The following ALMS1 variants were observed in gnomAD, a reference collection of about 807,000 sequenced individuals.
ALMS1 encodes ALMS1 centrosome and basal body associated protein, also known as centrosome-associated protein ALMS1.
A neutral mutation model predicts 352.2 loss-of-function variants in ALMS1; 271 were observed. That is an observed-to-expected ratio of 0.77 (90% CI 0.70 to 0.85). The LOEUF is 0.85. Ranked by LOEUF, ALMS1 falls within the 40% of genes least tolerant of loss-of-function variation. The pLI, the probability that ALMS1 is intolerant of heterozygous loss-of-function variation, is 0.00. For synonymous variants in ALMS1, 1,865 were observed against 1,761.2 expected (o/e 1.06, Z -1.48); for missense variants, 5,445 against 4,870.7 (o/e 1.12, Z -3.51).
intron 6 of ALMS1, among the ~76,000 whole-genome samples, chr2:73,429,325 A>T (rs925863361): frequency 1.5e-5 from 2 of 135,298 alleles, no homozygotes; most frequent in East Asian, 4.2e-4. Flanking sequence ...CTTGTCATCC[A>T]GGCTGGAGTG....
At chr2:73,392,273 T>C (rs1670666665) in intron 1 of ALMS1, among the ~76,000 whole-genome samples, 1 of 147,440 alleles carries the variant, frequency 6.8e-6, no homozygotes, top group Admixed American at 7.8e-5. Context: ...TGTGTGTGTG[T>C]GTGTGTGTGT....
chr2:73,386,266 G>A, intron 1 of ALMS1, 74 bp downstream of exon 1: 1 of 1,412,264 alleles, frequency 7.1e-7, no homozygotes, highest in Non-Finnish European at 9.2e-7. Flanking sequence ...CGCTCCGCCC[G>A]CCCGCAGGTC....
At chr2:73,556,644 T>G (rs563616780) in intron 13 of ALMS1, among the ~76,000 whole-genome samples, 4,953 of 87,294 alleles carry the variant, frequency 0.057, 216 homozygotes, top group African/African-American at 0.16. Flanking sequence ...TTTTTTTTTT[T>G]GTTTTTTTTT....
intron 9 of ALMS1, among the ~76,000 whole-genome samples, chr2:73,486,909 G>A (rs1176835688): frequency 6.6e-6 from 1 of 152,064 alleles, no homozygotes; most frequent in Non-Finnish European, 1.5e-5. Context: ...AAGAAAATTA[G>A]CCCGGTGTAG....
At chr2:73,597,264 A>G (rs1266305498) in intron 16 of ALMS1, among the ~76,000 whole-genome samples, 1 of 152,026 alleles carries the variant, frequency 6.6e-6, no homozygotes, top group Non-Finnish European at 1.5e-5. Flanking sequence ...TGATTTTTTT[A>G]TCTTATTGAT....
At chr2:73,388,371 C>G (rs1281859080) in intron 1 of ALMS1, among the ~76,000 whole-genome samples, 1 of 151,992 alleles carries the variant, frequency 6.6e-6, no homozygotes, top group Admixed American at 6.6e-5. Flanking sequence ...AACCTCTCAC[C>G]CAAATAATAT....
chr2:73,514,629 T>C (rs967492153), intron 10 of ALMS1, among the ~76,000 whole-genome samples: 5 of 152,214 alleles, frequency 3.3e-5, no homozygotes, highest in Non-Finnish European at 1.5e-5. Flanking sequence ...TATATGTACA[T>C]GTATATATTT....
At position 73,408,680 on chromosome 2, in the gene ALMS1, C is replaced by G. The variant is rs111439590; in HGVS notation, c.383C>G (p.Thr128Arg). Residue 128 changes from threonine (T) to arginine (R), a missense_variant, in exon 2 of 23, where the codon ACA becomes AGA. Coordinates refer to ENST00000613296, the MANE Select transcript of ALMS1 (RefSeq NM_001378454.1). ...ATAGTATATCAAGGCAATAGTAGAACACAAATTTCTGATACTAATGTGGTC... is the reference window on the plus strand; with the variant it reads ...ATAGTATATCAAGGCAATAGTAGAAGACAAATTTCTGATACTAATGTGGTC... ...QQIVYQGNSR[T>R]QISDTNVVCL... 8 of 1,613,382 alleles carry G rather than the reference C, an allele frequency of 5.0e-6. No homozygotes were observed. Among genetic ancestry groups the G allele is most frequent in the African/African-American group, 1.3e-5 (1 of 74,930 alleles).
At position 73,408,762 on chromosome 2, in the gene ALMS1, A is replaced by G. The variant is rs751266378; in HGVS notation, c.450+15A>G. On this transcript the variant is annotated intron_variant, in intron 2 of 22. Coordinates refer to ENST00000613296, the MANE Select transcript of ALMS1 (RefSeq NM_001378454.1). ...GGGATGATCAGGTATGTCTTCTGTA[A>G]CTGGCTAACTTTTTTTTTTTGATAA... 1.2e-6 allele frequency: 2 copies of G among 1,607,812 alleles called. No homozygotes were observed. Among genetic ancestry groups the G allele is most frequent in the Non-Finnish European group, 1.7e-6 (2 of 1,177,622 alleles).
rs368408369 is a variant in ALMS1 at position 73,491,319 on chromosome 2, A to G, written c.9360A>G (p.Lys3120=). 49 of 1,614,078 alleles carry G rather than the reference A, an allele frequency of 3.0e-5. No homozygotes were observed. Among genetic ancestry groups the G allele is most frequent in the Non-Finnish European group, 4.0e-5 (47 of 1,180,036 alleles). The change falls in exon 10 of 23, where the codon AAA becomes AAG. Residue 3120 remains lysine, a synonymous_variant. Coordinates refer to ENST00000613296, the MANE Select transcript of ALMS1 (RefSeq NM_001378454.1). ...AATCTTTAGGTTTTCTAGGACCTAA[A>G]TCTTCACTGGATTTCCAAGTCGTAC... The part of the protein sequence containing the change: ...DQESLGFLGP[K]SSLDFQVVQP...
rs1672004608 is a variant in ALMS1, at chr2:73,453,902, A to T, written c.7375A>T (p.Ser2459Cys). The T allele has an allele frequency of 6.2e-7, 1 of 1,614,016 alleles. No individual in the cohort carries two copies. Among genetic ancestry groups the T allele is most frequent in the African/African-American group, 1.3e-5 (1 of 74,934 alleles). Residue 2459 changes from serine (S) to cysteine (C), a missense_variant, in exon 8 of 23, where the codon AGC becomes TGC. Coordinates refer to ENST00000613296, the MANE Select transcript of ALMS1 (RefSeq NM_001378454.1). ...TTCACCCAAGACAAGTATAACAGAT[A>T]GCAGGGAGGAAGAGGGTGTGTCAGA... is the stretch of plus-strand genomic sequence containing the variant. ...YVSPKTSITD[S>C]REEEGVSESE...
chr2:73,387,260 A>G, intron 1 of ALMS1, among the ~76,000 whole-genome samples: 1 of 152,250 alleles, frequency 6.6e-6, no homozygotes, highest in African/African-American at 2.4e-5. Flanking sequence ...GCTGGGTGCT[A>G]AGGAAAGCTT....
intron 10 of ALMS1, among the ~76,000 whole-genome samples, chr2:73,506,722 C>T (rs1204133455): frequency 6.6e-6 from 1 of 152,198 alleles, no homozygotes; most frequent in Non-Finnish European, 1.5e-5. Context: ...GTGTCATCTG[C>T]AAACAGAGAT....
At chr2:73,456,099 C>T (rs1336766232) in intron 9 of ALMS1, among the ~76,000 whole-genome samples, 3 of 152,248 alleles carry the variant, frequency 2.0e-5, no homozygotes, top group South Asian at 2.1e-4. Context: ...TATTTACTAT[C>T]GAGCTTGAGA....
chr2:73,489,860 A>G lies in ALMS1; in HGVS notation c.7901A>G (p.Asp2634Gly), dbSNP rs1368206928. The change falls in exon 10 of 23, where the codon GAC (aspartate) becomes GGC (glycine). Residue 2634 changes from aspartate (D) to glycine (G), a missense_variant. Physicochemically the swap from Asp to Gly is moderately conservative, Grantham distance 94. Coordinates refer to ENST00000613296, the MANE Select transcript of ALMS1 (RefSeq NM_001378454.1). ...AKHVNLSASL[D>G]QNNSHFKVWN... ...CATGTCAACCTTTCTGCATCCTTAGACCAGAACAACTCCCATTTCAAAGTT... is the reference window on the plus strand; with the variant it reads ...CATGTCAACCTTTCTGCATCCTTAGGCCAGAACAACTCCCATTTCAAAGTT... 2 of 1,614,166 alleles carry G rather than the reference A, an allele frequency of 1.2e-6. No individual in the cohort carries two copies. The highest frequency in any genetic ancestry group is 1.7e-6 in the Non-Finnish European group (2 of 1,180,028).
At chr2:73,427,425 A>G (rs934987578) in intron 6 of ALMS1, among the ~76,000 whole-genome samples, 6 of 151,964 alleles carry the variant, frequency 3.9e-5, no homozygotes, top group African/African-American at 1.2e-4. Flanking sequence ...TATTTATATC[A>G]TTATTACCAT....
At chr2:73,460,156 C>T (rs1290745099) in intron 9 of ALMS1, among the ~76,000 whole-genome samples, 1 of 152,106 alleles carries the variant, frequency 6.6e-6, no homozygotes, top group African/African-American at 2.4e-5. Flanking sequence ...TCTCCCTCAG[C>T]CCCACTGCTC....
At position 73,490,357 on chromosome 2, in the gene ALMS1, G is replaced by T; in HGVS notation, c.8398G>T (p.Val2800Phe). Residue 2800 changes from valine to phenylalanine, a missense_variant, in exon 10 of 23, where the codon GTT becomes TTT. Transcript: ENST00000613296. Reference protein sequence around the residue: ...EGRRQSQKLPVDFERSFQEEK... With the variant: ...EGRRQSQKLPFDFERSFQEEK... ...TAGAAGGCAAAGCCAAAAATTACCT[G>T]TTGATTTTGAGCGTTCTTTTCAAGA... The T allele has an allele frequency of 6.2e-7, 1 of 1,612,822 alleles. No individual in the cohort carries two copies. The highest frequency in any genetic ancestry group is 8.5e-7 in the Non-Finnish European group (1 of 1,179,470).
intron 12 of ALMS1, among the ~76,000 whole-genome samples, chr2:73,544,490 T>G (rs116632333): frequency 1.3e-5 from 2 of 152,062 alleles, no homozygotes; most frequent in African/African-American, 4.8e-5. Context: ...CGTTGTCACA[T>G]GTACCCTAAA....
Sources: allele counts gnomAD v4.1 joint callset (sites outside exome capture counted in the v4.1 genomes callset), GRCh38; gene constraint gnomAD v4.1.1; transcripts MANE v1.5; gene names NCBI Gene and HGNC (gene_info 2026-07-23, HGNC 2026-07-21).